The following BDH2 variants were observed in gnomAD, a reference collection of about 807,000 sequenced individuals.
BDH2 encodes dehydrogenase/reductase SDR family member 6.
A neutral mutation model predicts 33.2 loss-of-function variants in BDH2; 24 were observed. That is an observed-to-expected ratio of 0.72 (90% CI 0.52 to 1.02). BDH2 has a LOEUF of 1.02. Ranked by LOEUF, BDH2 falls within the 50% of genes least tolerant of loss-of-function variation. The probability of loss-of-function intolerance (pLI) is 0.00; values close to 1 mark genes in which losing one functional copy is unlikely to be tolerated. For missense variants in BDH2, 249 were observed against 301.6 expected, an observed-to-expected ratio of 0.83 and a Z score of 1.29; for synonymous variants, 81 against 101.6, an observed-to-expected ratio of 0.80 and a Z score of 1.22.
rs753273018 is a variant in BDH2 at position 103,085,363 on chromosome 4, T to C, written c.518A>G (p.Asn173Ser). ...ADFIQQGIRC[N>S]CVCPGTVDTP... ...GCCTTACTCACCTGGGCACACACAG[T>C]TGCACCTGATGCCCTGCTGGATGAA... is the stretch of plus-strand genomic sequence containing the variant. Residue 173 changes from asparagine to serine, a missense_variant, in exon 7 of 10, where the codon AAC becomes AGC. Asn to Ser is a conservative substitution (Grantham distance 46). Coordinates refer to ENST00000296424, the MANE Select transcript of BDH2 (RefSeq NM_020139.4). The C allele has an allele frequency of 3.5e-5, 57 of 1,610,402 alleles. No homozygotes were observed. Among genetic ancestry groups the C allele is most frequent in the Non-Finnish European group, 5.1e-6 (6 of 1,179,056 alleles).
intron 1 of BDH2, among the ~76,000 whole-genome samples, chr4:103,096,531 A>AT (rs70941651): frequency 0.032 from 3,642 of 114,226 alleles, 101 homozygotes; most frequent in African/African-American, 0.037. Flanking sequence ...GACATTGGCC[A>AT]TTTTTTTTTT....
rs184810868 is a variant in BDH2, at chr4:103,085,714, T to C, written c.419-252A>G. The C allele has an allele frequency of 3.1e-3, 4,408 of 1,418,400 alleles. 13 individuals are homozygous for C. The highest frequency in any genetic ancestry group is 3.7e-3 in the Middle Eastern group (20 of 5,386). 87.9% of individuals were successfully genotyped at this position (1,418,400 alleles called of 1,614,324 possible). A position where few individuals can be genotyped will look rare whatever the true frequency, so the allele number is the denominator to read the frequency against. ...CTGAACTTACTTAACATTGGTAGTC[T>C]TAGTTTCTCATCATCAGTTGCCATA... On this transcript the variant is annotated intron_variant, in intron 6 of 9. Transcript: ENST00000296424.
At chr4:103,092,364 A>T (rs1748146753) in intron 4 of BDH2, 1 of 528,582 alleles carries the variant, frequency 1.9e-6, no homozygotes, top group Admixed American at 3.3e-5. Flanking sequence ...ACAGCTTTGT[A>T]TCAGTACCAT....
chr4:103,094,286 A>G (rs965063965), intron 3 of BDH2, among the ~76,000 whole-genome samples: 2 of 152,220 alleles, frequency 1.3e-5, no homozygotes, highest in Non-Finnish European at 1.5e-5. Context: ...AAGATTTAGT[A>G]TGAAAATATT....
intron 5 of BDH2, among the ~76,000 whole-genome samples, chr4:103,090,678 C>A (rs537195296): frequency 6.6e-6 from 1 of 152,280 alleles, no homozygotes; most frequent in Admixed American, 6.5e-5. Context: ...GTCTCGTGTG[C>A]CTCCCTGCTG....
At chr4:103,080,555 G>A (rs571971214) in intron 9 of BDH2, among the ~76,000 whole-genome samples, 50 of 152,308 alleles carry the variant, frequency 3.3e-4, no homozygotes, top group African/African-American at 1.2e-3. Flanking sequence ...AATTTTAAGA[G>A]TTCAATAGAT....
intron 5 of BDH2, among the ~76,000 whole-genome samples, chr4:103,090,933 T>C (rs1160061751): frequency 6.6e-6 from 1 of 152,252 alleles, no homozygotes; most frequent in Admixed American, 6.5e-5. Context: ...AGTTCACTTA[T>C]GTGTCTTCTG....
At chr4:103,086,280 T>C (rs1032549965) in intron 6 of BDH2, 200 bp downstream of exon 6, 56 of 1,320,250 alleles carry the variant, frequency 4.2e-5, no homozygotes, top group Non-Finnish European at 5.4e-5. Context: ...TACCCCACAT[T>C]TTAATTTAAT....
chr4:103,080,546 A>C (rs1228823695), intron 9 of BDH2, among the ~76,000 whole-genome samples: 1 of 152,242 alleles, frequency 6.6e-6, no homozygotes, highest in Non-Finnish European at 1.5e-5. Context: ...GAATAGAGAA[A>C]TTTTAAGAGT....
chr4:103,084,851 C>T (rs912526029), intron 7 of BDH2, among the ~76,000 whole-genome samples: 1 of 152,134 alleles, frequency 6.6e-6, no homozygotes, highest in East Asian at 1.9e-4. Flanking sequence ...TCCCTAAATT[C>T]TGGCATGCCC....
intron 9 of BDH2, among the ~76,000 whole-genome samples, chr4:103,081,242 G>A (rs1023683866): frequency 3.9e-5 from 6 of 152,146 alleles, no homozygotes; most frequent in African/African-American, 1.2e-4. Flanking sequence ...GATGCAAAGT[G>A]GAAGAGATTA....
At chr4:103,081,130 G>A (rs994593820) in intron 9 of BDH2, among the ~76,000 whole-genome samples, 2 of 152,118 alleles carry the variant, frequency 1.3e-5, no homozygotes, top group Non-Finnish European at 2.9e-5. Flanking sequence ...ATAAAACAGA[G>A]GAGGACCTTC....
At chr4:103,086,042 C>T (rs1029612119) in intron 6 of BDH2, 3 of 1,146,978 alleles carry the variant, frequency 2.6e-6, no homozygotes, top group Non-Finnish European at 3.2e-6. Context: ...CAGTTATTTC[C>T]CTGTATTTTG....
At chr4:103,087,996 C>G (rs1747878822) in intron 5 of BDH2, among the ~76,000 whole-genome samples, 1 of 152,174 alleles carries the variant, frequency 6.6e-6, no homozygotes, top group Non-Finnish European at 1.5e-5. Context: ...GATTTAGCTA[C>G]TAATTGCCCC....
chr4:103,097,267 T>A (rs1283849864), intron 1 of BDH2, among the ~76,000 whole-genome samples: 3 of 152,220 alleles, frequency 2.0e-5, no homozygotes, highest in African/African-American at 7.2e-5. Context: ...ATGCTGCCGA[T>A]CCTCTTATAA....
At chr4:103,081,692 G>A (rs1747534464) in intron 9 of BDH2, among the ~76,000 whole-genome samples, 1 of 152,210 alleles carries the variant, frequency 6.6e-6, no homozygotes, top group African/African-American at 2.4e-5. Flanking sequence ...TGTGTCCACT[G>A]AACACAAATC....
Position 103,079,720 on chromosome 4 carries a change from A to G in BDH2, c.720T>C (p.Asp240=), listed in dbSNP as rs112926634. 163 of 1,614,058 alleles carry G rather than the reference A, an allele frequency of 1.0e-4. No individual in the cohort carries two copies. Among genetic ancestry groups the G allele is most frequent in the Middle Eastern group, 6.6e-4 (4 of 6,044 alleles). ...CCTAAAATCACAAGCTCCAGCCTCC[A>G]TCAATGATGACAGGGTTACCAGTTA... The part of the protein sequence containing the change: ...AYVTGNPVII[D]GGWSL The change falls in exon 10 of 10, where the codon GAT becomes GAC. Residue 240 remains aspartate, a synonymous_variant. Coordinates refer to ENST00000296424, the MANE Select transcript of BDH2 (RefSeq NM_020139.4).
At chr4:103,092,779 T>TGAAG in intron 3 of BDH2, 83 bp from the exon 4 acceptor site, 4 of 938,214 alleles carry the variant, frequency 4.3e-6, no homozygotes, top group Non-Finnish European at 6.9e-6. Flanking sequence ...AGTGTGAAGA[T>TGAAG]TGCAACATCT....
chr4:103,093,101 C>T lies in BDH2; in HGVS notation c.152-405G>A, dbSNP rs370699688. Among the ~76,000 whole-genome samples the T allele has an allele frequency of 3.3e-5, 5 of 152,222 alleles. No homozygotes were observed. The East Asian group carries it at 5.8e-4, about 18-fold the overall frequency. ...TCTTTGCAGCTTTTCTCTTAATTTTCTCTTCTTTGAGGTATAATTGAGAAA... is the reference window on the plus strand; with the variant it reads ...TCTTTGCAGCTTTTCTCTTAATTTTTTCTTCTTTGAGGTATAATTGAGAAA... On this transcript the variant is annotated intron_variant, in intron 3 of 9. Coordinates refer to ENST00000296424, the MANE Select transcript of BDH2 (RefSeq NM_020139.4).
Sources: gnomAD v4.1 joint callset for allele counts (sites outside exome capture counted in the v4.1 genomes callset) on GRCh38, gnomAD v4.1.1 for gene constraint, MANE v1.5 for transcripts, NCBI Gene and HGNC (gene_info 2026-07-23, HGNC 2026-07-21) for gene names.